NTRK3: variants seen among roughly 807,000 people sequenced by gnomAD.
NTRK3 encodes neurotrophic receptor tyrosine kinase 3.
NTRK3 carries 24 observed loss-of-function variants against 91.7 expected under a neutral mutation model. The ratio of observed to expected loss-of-function variants is 0.26; its 90% confidence interval spans 0.19 to 0.37. NTRK3 has a LOEUF of 0.37. Among genes scored for constraint, NTRK3 ranks in the 10% least tolerant of loss-of-function variants. The pLI, the probability that NTRK3 is intolerant of heterozygous loss-of-function variation, is 1.00. For missense variants in NTRK3, 880 were observed against 1,068.9 expected, an observed-to-expected ratio of 0.82 and a Z score of 2.46; for synonymous variants, 483 against 404.0, an observed-to-expected ratio of 1.20 and a Z score of -2.34.
rs1471514824 is a variant in NTRK3 at position 88,255,739 on chromosome 15, C to G, written c.248+167G>C. 6.6e-6 allele frequency among the ~76,000 whole-genome samples: 1 copy of G among 152,048 alleles called. No homozygotes were observed. The highest frequency in any genetic ancestry group is 2.4e-5 in the African/African-American group (1 of 41,440). On this transcript the variant is annotated intron_variant, in intron 3 of 18. Coordinates refer to ENST00000394480, the Ensembl canonical transcript of NTRK3. The surrounding 1 kb of genome is among the most constrained non-coding windows in gnomAD (Gnocchi z 4.3). The stretch of plus-strand genomic sequence containing the variant: ...GCCAGGGCCGGAGTCACCTGGAATG[C>G]GCAGCCGGAGAGCATCTCCCGAGCC...
rs552962538 is a variant in NTRK3 at position 87,864,105 on chromosome 15, C to A, written c.*12830G>T. 1,444 of 232,800 alleles carry A rather than the reference C, an allele frequency of 6.2e-3. 18 individuals carry two copies. Among genetic ancestry groups the A allele is most frequent in the African/African-American group, 0.022 (1,007 of 45,388 alleles). 14.4% of individuals were successfully genotyped at this position (232,800 alleles called of 1,614,324 possible). Reference sequence around the variant, plus strand: ...CAAATCTTTGCCAGAGAGAAGAACACTGCTATTTTCTTTCACATTCAGAGT... The same window carrying A: ...CAAATCTTTGCCAGAGAGAAGAACAATGCTATTTTCTTTCACATTCAGAGT... On this transcript the variant is annotated 3_prime_UTR_variant, in exon 19 of 19. Coordinates refer to ENST00000394480, the Ensembl canonical transcript of NTRK3.
intron 17 of NTRK3, among the ~76,000 whole-genome samples, chr15:87,913,021 T>C (rs1596220564): frequency 1.4e-5 from 2 of 143,352 alleles, no homozygotes; most frequent in African/African-American, 2.5e-5. Flanking sequence ...TCAGAGATGA[T>C]GGCATAGAGC....
intron 3 of NTRK3, among the ~76,000 whole-genome samples, chr15:88,212,984 G>A (rs2049393735): frequency 6.6e-6 from 1 of 152,176 alleles, no homozygotes; most frequent in African/African-American, 2.4e-5. Context: ...AGGGCTGTGG[G>A]GTCCCATCGC....
chr15:88,148,234 G>A (rs191302432), intron 5 of NTRK3, among the ~76,000 whole-genome samples: 126 of 152,250 alleles, frequency 8.3e-4, no homozygotes, highest in Middle Eastern at 6.8e-3. Flanking sequence ...ACAGACTCTT[G>A]TTTATACACA....
chr15:88,056,198 ATATATTT>A (rs1196874125), intron 13 of NTRK3, among the ~76,000 whole-genome samples: 6 of 96,832 alleles, frequency 6.2e-5, no homozygotes, highest in African/African-American at 2.0e-4. Flanking sequence ...ATATATATAT[ATATATTT>A]TTTTTTTAAT....
At position 87,929,565 on chromosome 15, in the gene NTRK3, G is replaced by A. The variant is rs1045043905; in HGVS notation, c.1890-131C>T. The A allele has an allele frequency of 1.0e-4, 121 of 1,196,350 alleles. 1 individual carries two copies. Among genetic ancestry groups the A allele is most frequent in the South Asian group, 1.1e-4 (7 of 63,310 alleles). 74.1% of individuals were successfully genotyped at this position (1,196,350 alleles called of 1,614,324 possible). A position where few individuals can be genotyped will look rare whatever the true frequency, so the allele number is the denominator to read the frequency against. ...AAATTTCCCTTTCCATCCTGCCTAT[G>A]GCTTATTTTTATCTGCCCCAAATTA... On this transcript the variant is annotated intron_variant, in intron 16 of 18. Coordinates refer to ENST00000394480, the Ensembl canonical transcript of NTRK3.
At chr15:87,930,738 T>C (rs1220168251) in intron 16 of NTRK3, among the ~76,000 whole-genome samples, 1 of 152,168 alleles carries the variant, frequency 6.6e-6, no homozygotes, top group Non-Finnish European at 1.5e-5. Flanking sequence ...GAGAATTCTT[T>C]AGAAGGTCAC....
intron 3 of NTRK3, among the ~76,000 whole-genome samples, chr15:88,204,239 A>G (rs2048543020): frequency 6.6e-6 from 1 of 152,218 alleles, no homozygotes; most frequent in Admixed American, 6.5e-5. Flanking sequence ...CTTAATCCCA[A>G]CAATCTAATG....
chr15:87,868,559 T>A, exon 19 of NTRK3: 1 of 221,194 alleles, frequency 4.5e-6, no homozygotes, highest in Non-Finnish European at 9.1e-6. Flanking sequence ...CTGAGGTAAG[T>A]TTCCAAAGAC....
intron 3 of NTRK3, among the ~76,000 whole-genome samples, chr15:88,187,866 C>A (rs142400433): frequency 0.016 from 2,289 of 145,890 alleles, 70 homozygotes; most frequent in African/African-American, 0.055. Flanking sequence ...TCTGGGAGGC[C>A]GAGGCTGCAG....
chr15:87,992,247 C>T (rs1452626496), intron 14 of NTRK3, among the ~76,000 whole-genome samples: 1 of 152,198 alleles, frequency 6.6e-6, no homozygotes, highest in Non-Finnish European at 1.5e-5. Context: ...TTGGTCTCAT[C>T]ATCTACTCCT....
At chr15:88,210,767 C>T (rs1243996721) in intron 3 of NTRK3, among the ~76,000 whole-genome samples, 1 of 152,158 alleles carries the variant, frequency 6.6e-6, no homozygotes, top group East Asian at 1.9e-4. Context: ...CATGAAAACT[C>T]GTCCTAAAAA....
chr15:87,928,037 T>G (rs925461795), intron 17 of NTRK3: 1 of 152,220 alleles, frequency 6.6e-6, no homozygotes, highest in African/African-American at 2.4e-5. Context: ...TGGAGTGCAG[T>G]GGTGTGATCT....
At chr15:88,139,937 G>A (rs1175555668) in intron 6 of NTRK3, among the ~76,000 whole-genome samples, 2 of 151,338 alleles carry the variant, frequency 1.3e-5, no homozygotes, top group Non-Finnish European at 2.9e-5. Context: ...GGGGAGTGTG[G>A]GGGGTGGGGG....
At chr15:87,911,633 C>G (rs191830738) in intron 17 of NTRK3, among the ~76,000 whole-genome samples, 1 of 152,196 alleles carries the variant, frequency 6.6e-6, no homozygotes, top group Non-Finnish European at 1.5e-5. Context: ...CATTGCAGAG[C>G]CCACTCATTG....
chr15:88,119,082 C>G (rs1437171154), intron 13 of NTRK3, among the ~76,000 whole-genome samples: 1 of 152,226 alleles, frequency 6.6e-6, no homozygotes, highest in East Asian at 1.9e-4. Context: ...TGCAAGGGAA[C>G]AGTTGGTTCC....
intron 17 of NTRK3, among the ~76,000 whole-genome samples, chr15:87,900,088 A>C (rs2066361895): frequency 6.6e-6 from 1 of 152,216 alleles, no homozygotes; most frequent in Non-Finnish European, 1.5e-5. Context: ...CAGTTGATAA[A>C]GTCCTTTATC....
At chr15:87,995,210 T>G (rs894363687) in intron 14 of NTRK3, among the ~76,000 whole-genome samples, 2 of 152,174 alleles carry the variant, frequency 1.3e-5, no homozygotes, top group Non-Finnish European at 2.9e-5. Context: ...ACACCCAGCC[T>G]GCACTCACCA....
chr15:88,013,292 C>T (rs112508923), intron 14 of NTRK3, among the ~76,000 whole-genome samples: 1 of 152,220 alleles, frequency 6.6e-6, no homozygotes, highest in Non-Finnish European at 1.5e-5. Flanking sequence ...TAGGTCAGAG[C>T]GTAACCAGAT....
Sources: gnomAD v4.1 joint callset for allele counts (sites outside exome capture counted in the v4.1 genomes callset) on GRCh38, gnomAD v4.1.1 for gene constraint, Gnocchi (gnomAD v3.1) non-coding constraint, MANE v1.5 for transcripts, NCBI Gene and HGNC (gene_info 2026-07-23, HGNC 2026-07-21) for gene names.